DDHD1: variants seen among roughly 807,000 people sequenced by gnomAD.
The protein encoded by DDHD1 is phospholipase DDHD1.
A neutral mutation model predicts 96.4 loss-of-function variants in DDHD1; 49 were observed. That is an observed-to-expected ratio of 0.51 (90% confidence interval 0.40 to 0.64). The LOEUF (loss-of-function observed/expected upper bound fraction) is 0.64, where lower values mean the gene tolerates loss of function less well. Ranked by LOEUF, DDHD1 falls within the 30% of genes least tolerant of loss-of-function variation. The pLI, the probability that DDHD1 is intolerant of heterozygous loss-of-function variation, is 0.00. For synonymous variants in DDHD1, 442 were observed against 446.5 expected, an observed-to-expected ratio of 0.99 and a Z score of 0.13; for missense variants, 1,106 against 1,161.2, an observed-to-expected ratio of 0.95 and a Z score of 0.69.
At position 53,039,376 on chromosome 14, in the gene DDHD1, G is replaced by A. The variant is rs1881484883; in HGVS notation, c.*7392C>T. 6.6e-6 allele frequency: 1 copy of A among 152,196 alleles called. No homozygotes were observed. The highest frequency in any genetic ancestry group is 2.1e-4 in the South Asian group (1 of 4,826). The allele number at this position is 152,196 out of a possible 1,614,324, so 9.4% of individuals were successfully genotyped here. ...GAAGGCTTCTGCCCTATCTAGTTAG[G>A]GTTCTGTGCCTATTTCTTGTCTAAT... is the stretch of plus-strand genomic sequence containing the variant. On this transcript the variant is annotated 3_prime_UTR_variant, in exon 13 of 13. Coordinates refer to ENST00000673822, the MANE Select transcript of DDHD1 (RefSeq NM_001160148.2).
At chr14:53,075,805 C>A (rs1316480798) in intron 4 of DDHD1, among the ~76,000 whole-genome samples, 2 of 152,102 alleles carry the variant, frequency 1.3e-5, no homozygotes, top group East Asian at 3.9e-4. Context: ...TAGCCTAGGG[C>A]CCTTAAGAAT....
chr14:53,061,456 A>T, intron 7 of DDHD1: 1 of 342,250 alleles, frequency 2.9e-6, no homozygotes. Flanking sequence ...AATGTGAGTC[A>T]TATACAAGCA....
Position 53,153,177 on chromosome 14 carries a change from C to G in DDHD1, c.-79G>C. 1 of 1,207,076 alleles carries G rather than the reference C, an allele frequency of 8.3e-7. No homozygotes were observed. Among genetic ancestry groups the G allele is most frequent in the Non-Finnish European group, 1.1e-6 (1 of 930,756 alleles). 74.8% of individuals were successfully genotyped at this position (1,207,076 alleles called of 1,614,324 possible). On this transcript the variant is annotated 5_prime_UTR_variant, in exon 1 of 13. Coordinates refer to ENST00000673822, the MANE Select transcript of DDHD1 (RefSeq NM_001160148.2). ...GCTTCCGCCACACATTCAACGCCGCCGCCCTCTCCACCCGAAGTTTCTAAT... is the reference window on the plus strand; with the variant it reads ...GCTTCCGCCACACATTCAACGCCGCGGCCCTCTCCACCCGAAGTTTCTAAT...
chr14:53,120,477 G>A (rs1275568952), intron 1 of DDHD1, among the ~76,000 whole-genome samples: 1 of 152,128 alleles, frequency 6.6e-6, no homozygotes, highest in Non-Finnish European at 1.5e-5. Context: ...CCAAAAAAGA[G>A]CCTGTATAGC....
rs893708319 is a variant in DDHD1, at chr14:53,045,130, GTTA to G, written c.*1635_*1637del. On this transcript the variant is annotated 3_prime_UTR_variant, in exon 13 of 13. Coordinates refer to ENST00000673822, the MANE Select transcript of DDHD1 (RefSeq NM_001160148.2). Reference sequence around the variant, plus strand: ...CTCTGAATTATGAATTGCAACTTCTGTTATTATTGTTTGCAAACTACTAAAAGG... The same window carrying G: ...CTCTGAATTATGAATTGCAACTTCTGTTATTGTTTGCAAACTACTAAAAGG... 3.3e-5 allele frequency: 5 copies of G among 152,190 alleles called. No individual in the cohort carries two copies. Among genetic ancestry groups the G allele is most frequent in the Admixed American group, 1.3e-4 (2 of 15,284 alleles). 9.4% of individuals were successfully genotyped at this position (152,190 alleles called of 1,614,324 possible).
At chr14:53,147,458 C>T (rs73296175) in intron 1 of DDHD1, among the ~76,000 whole-genome samples, 4,951 of 152,192 alleles carry the variant, frequency 0.033, 264 homozygotes, top group African/African-American at 0.11. Flanking sequence ...TTTGGCCATA[C>T]GTAAGGTGAA....
At chr14:53,069,258 GGGTGCTA>G (rs1403034333) in intron 6 of DDHD1, among the ~76,000 whole-genome samples, 1 of 152,132 alleles carries the variant, frequency 6.6e-6, no homozygotes, top group East Asian at 1.9e-4. Context: ...GAAAAGATCT[GGGTGCTA>G]GGTGTGCTCA....
At chr14:53,075,937 G>GA (rs968144436) in intron 4 of DDHD1, among the ~76,000 whole-genome samples, 12 of 149,956 alleles carry the variant, frequency 8.0e-5, no homozygotes, top group Non-Finnish European at 1.2e-4. Flanking sequence ...CTACTGCTCA[G>GA]AAAAAAAAAC....
At chr14:53,102,352 T>C (rs1337415661) in intron 2 of DDHD1, among the ~76,000 whole-genome samples, 1 of 152,040 alleles carries the variant, frequency 6.6e-6, no homozygotes, top group Admixed American at 6.6e-5. Flanking sequence ...GCTCTTACAC[T>C]GGGCTGCTCC....
In DDHD1 at chr14:53,072,643, C is replaced by T. The variant is rs1285140842; in HGVS notation, c.1457G>A (p.Ser486Asn). 1.2e-6 allele frequency: 2 copies of T among 1,610,338 alleles called. No homozygotes were observed. The highest frequency in any genetic ancestry group is 1.7e-6 in the Non-Finnish European group (2 of 1,177,598). The part of the protein sequence containing the change: ...VRGLRDMLNS[S>N]AMDIMYYTSP... The stretch of plus-strand genomic sequence containing the variant: ...AGTATAATACATTATGTCCATTGCA[C>T]TGCTGTTCAGCATATCCCTTAAACC... Residue 486 changes from serine (S) to asparagine (N), a missense_variant, in exon 6 of 13, where the codon AGT (serine) becomes AAT (asparagine). Transcript: ENST00000673822.
At chr14:53,089,264 C>T (rs1886236647) in intron 4 of DDHD1, among the ~76,000 whole-genome samples, 1 of 152,062 alleles carries the variant, frequency 6.6e-6, no homozygotes, top group Non-Finnish European at 1.5e-5. Flanking sequence ...GATTCAATGC[C>T]ATCCCCATCA....
At chr14:53,086,200 G>A (rs946529390) in intron 4 of DDHD1, among the ~76,000 whole-genome samples, 1 of 152,172 alleles carries the variant, frequency 6.6e-6, no homozygotes, top group Non-Finnish European at 1.5e-5. Flanking sequence ...GTGACGGGGA[G>A]AACTGGAACC....
At chr14:53,083,996 A>G (rs1279925806) in intron 4 of DDHD1, among the ~76,000 whole-genome samples, 1 of 152,026 alleles carries the variant, frequency 6.6e-6, no homozygotes, top group Non-Finnish European at 1.5e-5. Flanking sequence ...AGCTCTTCCT[A>G]TAGTTAAGAT....
At chr14:53,080,169 G>T (rs1885337072) in intron 4 of DDHD1, among the ~76,000 whole-genome samples, 1 of 152,188 alleles carries the variant, frequency 6.6e-6, no homozygotes, top group South Asian at 2.1e-4. Context: ...AGACCAGCCT[G>T]GCCAACATGG....
At chr14:53,129,361 C>A (rs1197559548) in intron 1 of DDHD1, among the ~76,000 whole-genome samples, 1 of 152,182 alleles carries the variant, frequency 6.6e-6, no homozygotes, top group East Asian at 1.9e-4. Flanking sequence ...TCTCGCTATC[C>A]CTCCACCCTT....
chr14:53,049,615 C>A (rs1383708200), intron 12 of DDHD1, among the ~76,000 whole-genome samples: 1 of 130,500 alleles, frequency 7.7e-6, no homozygotes, highest in Non-Finnish European at 1.6e-5. Flanking sequence ...TGTTGTCATT[C>A]AGGTTGGTAG....
At position 53,045,678 on chromosome 14, in the gene DDHD1, AG is replaced by A. The variant is rs988308599; in HGVS notation, c.*1089del. On this transcript the variant is annotated 3_prime_UTR_variant, in exon 13 of 13. Coordinates refer to ENST00000673822, the MANE Select transcript of DDHD1 (RefSeq NM_001160148.2). The stretch of plus-strand genomic sequence containing the variant: ...TTATTGAATGCACTCTTAAACTTTG[AG>A]CCCCTCAGATGAAAAGCACTGTGGA... 4 of 152,216 alleles carry A rather than the reference AG, an allele frequency of 2.6e-5. No individual in the cohort carries two copies. The highest frequency in any genetic ancestry group is 9.6e-5 in the African/African-American group (4 of 41,454). 9.4% of individuals were successfully genotyped at this position (152,216 alleles called of 1,614,324 possible).
At chr14:53,132,678 A>G (rs1889961895) in intron 1 of DDHD1, among the ~76,000 whole-genome samples, 1 of 152,190 alleles carries the variant, frequency 6.6e-6, no homozygotes, top group African/African-American at 2.4e-5. Flanking sequence ...TTTCCTCACT[A>G]CACAAGGATC....
At chr14:53,151,211 A>G (rs1023513034) in intron 1 of DDHD1, among the ~76,000 whole-genome samples, 3 of 152,248 alleles carry the variant, frequency 2.0e-5, no homozygotes, top group African/African-American at 7.2e-5. Flanking sequence ...GCTGTCATCA[A>G]TCCATCTAAT....
Sources: allele counts gnomAD v4.1 joint callset (sites outside exome capture counted in the v4.1 genomes callset), GRCh38; gene constraint gnomAD v4.1.1; transcripts MANE v1.5; gene names NCBI Gene and HGNC (gene_info 2026-07-23, HGNC 2026-07-21).